Variants in DAB1 observed in about 807,000 individuals in gnomAD.
DAB1 encodes the protein disabled homolog 1.
A neutral mutation model predicts 64.6 loss-of-function variants in DAB1; 15 were observed. The observed-to-expected ratio is 0.23, with a 90% CI of 0.16 to 0.36. The LOEUF (loss-of-function observed/expected upper bound fraction) is 0.36. DAB1 is among the 10% of genes least tolerant of loss of function. The pLI, the probability that DAB1 is intolerant of heterozygous loss-of-function variation, is 1.00. For synonymous variants in DAB1, 235 were observed against 251.9 expected (o/e 0.93, Z 0.64); for missense variants, 596 against 706.7 (o/e 0.84, Z 1.78).
At chr1:57,025,601 T>A (rs1646759210) in intron 10 of DAB1, among the ~76,000 whole-genome samples, 1 of 152,294 alleles carries the variant, frequency 6.6e-6, no homozygotes. Context: ...TGCCTCATCA[T>A]ATGTGCTATC....
rs368823500 is a variant in DAB1, at chr1:57,713,112, G to A, written n.552-63447C>T. On this transcript the variant is annotated intron_variant and non_coding_transcript_variant, in intron 6 of 20. Transcript: ENST00000485760. ...ACTGGTACACTCATCTGCATCAGCC[G>A]GGATGTTAATCACATGCTAACCCAA... is the stretch of plus-strand genomic sequence containing the variant. Among the ~76,000 whole-genome samples the A allele has an allele frequency of 5.3e-5, 8 of 152,206 alleles. No individual in the cohort carries two copies. In the East Asian group the frequency reaches 9.7e-4, roughly 18 times the overall value.
At chr1:57,768,234 C>G (rs970933949) in intron 6 of DAB1, among the ~76,000 whole-genome samples, 4 of 146,442 alleles carry the variant, frequency 2.7e-5, no homozygotes, top group African/African-American at 7.5e-5. Context: ...GAATTCAGAT[C>G]TCATCTCCAT....
chr1:58,155,021 T>TA (rs1655145150), intron 4 of DAB1, among the ~76,000 whole-genome samples: 1 of 152,080 alleles, frequency 6.6e-6, no homozygotes, highest in Admixed American at 6.5e-5. Flanking sequence ...GTGGTGGTGT[T>TA]AAAATCAGAT....
intron 7 of DAB1, among the ~76,000 whole-genome samples, chr1:57,506,960 C>G (rs1212254136): frequency 2.1e-4 from 32 of 152,102 alleles, no homozygotes; most frequent in Admixed American, 2.1e-3. Flanking sequence ...TATTTCTCAC[C>G]CAGGCCTTTT....
intron 4 of DAB1, among the ~76,000 whole-genome samples, chr1:58,306,070 G>C (rs1049206811): frequency 6.6e-6 from 1 of 151,874 alleles, no homozygotes; most frequent in East Asian, 1.9e-4. Flanking sequence ...GTCAGGGTTC[G>C]CCTGTGTGGG....
chr1:57,913,705 G>A (rs988282679), intron 5 of DAB1, among the ~76,000 whole-genome samples: 6 of 151,996 alleles, frequency 3.9e-5, no homozygotes, highest in Admixed American at 2.0e-4. Context: ...TCTGACAAAG[G>A]GCTAATGTCC....
chr1:57,562,792 G>A (rs994558858), intron 7 of DAB1, among the ~76,000 whole-genome samples: 4 of 152,144 alleles, frequency 2.6e-5, no homozygotes, highest in East Asian at 1.9e-4. Flanking sequence ...ACACGACAAC[G>A]ATTCCATTAA....
chr1:58,486,088 T>C (rs546846528), intron 3 of DAB1, among the ~76,000 whole-genome samples: 1 of 152,334 alleles, frequency 6.6e-6, no homozygotes, highest in South Asian at 2.1e-4. Context: ...TGAGGTATTT[T>C]ACACATCTAA....
chr1:57,235,707 T>TAAAAAA (rs146853725), intron 2 of DAB1, among the ~76,000 whole-genome samples: 5 of 148,020 alleles, frequency 3.4e-5, no homozygotes, highest in Admixed American at 6.7e-5. Flanking sequence ...TTCAAAACTT[T>TAAAAAA]AAAAAAGAAA....
intron 1 of DAB1, among the ~76,000 whole-genome samples, chr1:57,385,046 C>G (rs1681697554): frequency 1.3e-5 from 2 of 152,140 alleles, no homozygotes; most frequent in African/African-American, 2.4e-5. Flanking sequence ...AAACACAAAA[C>G]CCATCTTGGA....
At chr1:57,720,384 T>C (rs1302460780) in intron 6 of DAB1, among the ~76,000 whole-genome samples, 2 of 152,210 alleles carry the variant, frequency 1.3e-5, no homozygotes, top group Non-Finnish European at 1.5e-5. Flanking sequence ...GAATAGAGTT[T>C]ATGTCTTATT....
chr1:58,119,357 C>T lies in DAB1; in HGVS notation n.387+31154G>A, dbSNP rs116746712. On this transcript the variant is annotated intron_variant and non_coding_transcript_variant, in intron 5 of 20. Transcript: ENST00000485760. The stretch of plus-strand genomic sequence containing the variant: ...GAATGCTACTTATAGTGTTATGCAT[C>T]CTACATTATTTGTTATATGTTTTAC... 2.6e-3 allele frequency among the ~76,000 whole-genome samples: 402 copies of T among 152,054 alleles called. 2 individuals carry two copies. Among genetic ancestry groups the T allele is most frequent in the African/African-American group, 9.4e-3 (390 of 41,476 alleles).
At chr1:58,504,194 A>T (rs1420549732) in intron 3 of DAB1, among the ~76,000 whole-genome samples, 4 of 152,228 alleles carry the variant, frequency 2.6e-5, no homozygotes, top group Admixed American at 2.6e-4. Flanking sequence ...GTGAAAGTCA[A>T]GTCCTTACAA....
intron 7 of DAB1, among the ~76,000 whole-genome samples, chr1:57,609,381 A>G (rs1451148780): frequency 6.6e-6 from 1 of 152,222 alleles, no homozygotes. Context: ...ATCTAGAGAT[A>G]ATTTAAAAGA....
At chr1:57,661,690 T>C (rs546896173) in intron 6 of DAB1, among the ~76,000 whole-genome samples, 1 of 152,336 alleles carries the variant, frequency 6.6e-6, no homozygotes, top group East Asian at 1.9e-4. Flanking sequence ...CATCCTCCCA[T>C]ACACTTTAAA....
intron 3 of DAB1, among the ~76,000 whole-genome samples, chr1:58,442,934 G>T (rs1645028342): frequency 6.6e-6 from 1 of 152,122 alleles, no homozygotes; most frequent in African/African-American, 2.4e-5. Context: ...CTTATTTTGA[G>T]GATTCTAGGA....
intron 5 of DAB1, among the ~76,000 whole-genome samples, chr1:57,897,584 C>T (rs762063802): frequency 3.9e-5 from 6 of 152,144 alleles, no homozygotes; most frequent in Non-Finnish European, 8.8e-5. Flanking sequence ...CAGCTCGTGC[C>T]TTTTCCCTAA....
intron 1 of DAB1, among the ~76,000 whole-genome samples, chr1:57,317,494 A>G (rs893892666): frequency 4.6e-5 from 7 of 152,210 alleles, no homozygotes; most frequent in African/African-American, 1.4e-4. Flanking sequence ...AAGTATGCTC[A>G]AAGATTACCT....
chr1:57,293,830 T>C (rs923438594), intron 1 of DAB1, among the ~76,000 whole-genome samples: 2 of 152,154 alleles, frequency 1.3e-5, no homozygotes, highest in Non-Finnish European at 2.9e-5. Context: ...TTCAACCTTA[T>C]AAATCACAAT....
Sources: allele counts gnomAD v4.1 joint callset (sites outside exome capture counted in the v4.1 genomes callset), GRCh38; gene constraint gnomAD v4.1.1; transcripts MANE v1.5; gene names NCBI Gene and HGNC (gene_info 2026-07-23, HGNC 2026-07-21).